The following GPR39 variants were observed in gnomAD, a reference collection of about 807,000 sequenced individuals.
The protein encoded by GPR39 is zinc sensing receptor.
A neutral mutation model predicts 18.4 loss-of-function variants in GPR39; 23 were observed. The ratio of observed to expected loss-of-function variants is 1.25; its 90% CI spans 0.90 to 1.77. The LOEUF (loss-of-function observed/expected upper bound fraction) is 1.77. Among genes scored for constraint, GPR39 ranks in the 40% most tolerant of loss-of-function variants. The pLI is 0.00. For missense variants in GPR39, 647 were observed against 602.4 expected (o/e 1.07, Z -0.78); for synonymous variants, 280 against 257.9 (o/e 1.09, Z -0.82).
chr2:132,634,088 C>G (rs1001632776), intron 1 of GPR39, among the ~76,000 whole-genome samples: 5 of 141,514 alleles, frequency 3.5e-5, no homozygotes, highest in African/African-American at 1.5e-4. Context: ...TGTTGGTGTT[C>G]GTGGTGATGG....
chr2:132,446,407 T>C (rs1406064991), intron 1 of GPR39, among the ~76,000 whole-genome samples: 2 of 152,076 alleles, frequency 1.3e-5, no homozygotes, highest in Non-Finnish European at 2.9e-5. Flanking sequence ...CTTAAAACAG[T>C]GTTAGGGCCA....
At chr2:132,639,467 A>C (rs780307358) in intron 1 of GPR39, among the ~76,000 whole-genome samples, 16 of 152,242 alleles carry the variant, frequency 1.1e-4, no homozygotes, top group South Asian at 2.1e-4. Context: ...ATGGGACTCC[A>C]ACAGTAAGTA....
intron 1 of GPR39, among the ~76,000 whole-genome samples, chr2:132,624,060 C>T (rs1681495277): frequency 6.6e-6 from 1 of 152,178 alleles, no homozygotes; most frequent in Admixed American, 6.5e-5. Flanking sequence ...CTAGGGGCTA[C>T]CATGATAAAA....
chr2:132,435,556 A>C (rs1680299227), intron 1 of GPR39, among the ~76,000 whole-genome samples: 2 of 152,192 alleles, frequency 1.3e-5, no homozygotes, highest in Non-Finnish European at 2.9e-5. Flanking sequence ...CCAAGGTTAC[A>C]TACAGATTTT....
At chr2:132,495,903 C>T (rs190180576) in intron 1 of GPR39, among the ~76,000 whole-genome samples, 4 of 152,116 alleles carry the variant, frequency 2.6e-5, no homozygotes, top group Admixed American at 2.6e-4. Flanking sequence ...AGTCCTTAGC[C>T]ACTGAAAATT....
intron 1 of GPR39, among the ~76,000 whole-genome samples, chr2:132,493,096 AC>A (rs1201855118): frequency 2.5e-5 from 1 of 40,378 alleles, no homozygotes; most frequent in Non-Finnish European, 6.1e-5. Flanking sequence ...ATATATATAC[AC>A]CATATATATA....
intron 1 of GPR39, among the ~76,000 whole-genome samples, chr2:132,430,832 A>G (rs1680212755): frequency 6.6e-6 from 1 of 152,170 alleles, no homozygotes; most frequent in African/African-American, 2.4e-5. Context: ...CCCTGTGGGG[A>G]CCTTCGTAAG....
At chr2:132,517,496 G>A (rs1308865614) in intron 1 of GPR39, among the ~76,000 whole-genome samples, 2 of 152,090 alleles carry the variant, frequency 1.3e-5, no homozygotes, top group African/African-American at 4.8e-5. Context: ...CTTGATCATG[G>A]CAAAATTGAT....
At chr2:132,640,662 TTG>T (rs34669903) in intron 1 of GPR39, among the ~76,000 whole-genome samples, 22,401 of 152,086 alleles carry the variant, frequency 0.15, 5,377 homozygotes, top group African/African-American at 0.51. Flanking sequence ...CAAATCCAAA[TTG>T]TGATTGCAGC....
chr2:132,642,797 G>A (rs768506530), intron 1 of GPR39, among the ~76,000 whole-genome samples: 1 of 152,232 alleles, frequency 6.6e-6, no homozygotes. Context: ...ATCTAAAACC[G>A]TGCAATTTCC....
intron 1 of GPR39, 85 bp downstream of exon 1, chr2:132,417,983 G>A (rs1037266334): frequency 6.7e-6 from 10 of 1,484,638 alleles, no homozygotes; most frequent in Admixed American, 2.2e-5. Flanking sequence ...CCTCTCCAGG[G>A]CAAGTCTTGC....
chr2:132,496,938 G>A (rs999388240), intron 1 of GPR39, among the ~76,000 whole-genome samples: 3 of 152,196 alleles, frequency 2.0e-5, no homozygotes, highest in Non-Finnish European at 4.4e-5. Flanking sequence ...GAAAGATGCT[G>A]ATTTCCACTG....
intron 1 of GPR39, among the ~76,000 whole-genome samples, chr2:132,446,797 G>A (rs1351101479): frequency 5.9e-5 from 9 of 152,144 alleles, no homozygotes; most frequent in Non-Finnish European, 1.3e-4. Flanking sequence ...GGGCTGCAAT[G>A]AGGGTAGGGT....
intron 1 of GPR39, among the ~76,000 whole-genome samples, chr2:132,546,155 TAAC>T (rs1679945039): frequency 6.6e-6 from 1 of 152,240 alleles, no homozygotes; most frequent in Non-Finnish European, 1.5e-5. Flanking sequence ...GATTCATTTA[TAAC>T]AACAGTTCTC....
intron 1 of GPR39, among the ~76,000 whole-genome samples, chr2:132,534,049 A>G (rs1368502968): frequency 6.6e-6 from 1 of 152,202 alleles, no homozygotes; most frequent in African/African-American, 2.4e-5. Flanking sequence ...ATCAGTGTGA[A>G]CAGACAACCT....
chr2:132,416,958 T>A lies in GPR39; in HGVS notation c.-85T>A, dbSNP rs1679912042. 6.6e-7 allele frequency: 1 copy of A among 1,513,760 alleles called. No homozygotes were observed. Among genetic ancestry groups the A allele is most frequent in the African/African-American group, 1.4e-5 (1 of 72,420 alleles). 93.8% of individuals were successfully genotyped at this position (1,513,760 alleles called of 1,614,324 possible). ...AAATCGTGCGCCCACGCAGGTGAGT[T>A]TGCAGCCAAGAATTTTGGACGCTGC... On this transcript the variant is annotated 5_prime_UTR_variant, in exon 1 of 2. In the 5' UTR this introduces an upstream ATG that the reference lacks. Transcript: ENST00000329321.
At chr2:132,439,747 T>C (rs543901748) in intron 1 of GPR39, among the ~76,000 whole-genome samples, 2 of 152,318 alleles carry the variant, frequency 1.3e-5, no homozygotes, top group East Asian at 1.9e-4. Flanking sequence ...AAAGCATTTA[T>C]CCATTAACCT....
At chr2:132,470,169 G>C (rs1211458729) in intron 1 of GPR39, among the ~76,000 whole-genome samples, 1 of 152,186 alleles carries the variant, frequency 6.6e-6, no homozygotes, top group African/African-American at 2.4e-5. Context: ...GAGGGACTGG[G>C]TGTTAATACC....
chr2:132,611,819 G>A (rs543859863), intron 1 of GPR39, among the ~76,000 whole-genome samples: 1 of 152,168 alleles, frequency 6.6e-6, no homozygotes, highest in South Asian at 2.1e-4. Flanking sequence ...ATTTCCTTCT[G>A]TGGGCATCTA....
Sources: allele counts gnomAD v4.1 joint callset (sites outside exome capture counted in the v4.1 genomes callset), GRCh38; gene constraint gnomAD v4.1.1; transcripts MANE v1.5; gene names NCBI Gene and HGNC (gene_info 2026-07-23, HGNC 2026-07-21).